Variants in UNC5D observed in about 807,000 individuals in gnomAD.
UNC5D encodes unc-5 netrin receptor D.
UNC5D carries 39 observed loss-of-function variants against 105.4 expected under a neutral mutation model. The ratio of observed to expected loss-of-function variants is 0.37; its 90% CI spans 0.29 to 0.48. UNC5D has a LOEUF of 0.48. UNC5D is among the 20% of genes least tolerant of loss of function. The probability of loss-of-function intolerance (pLI) is 0.98; values close to 1 mark genes in which losing one functional copy is unlikely to be tolerated. For missense variants in UNC5D, 991 were observed against 1,202.4 expected (o/e 0.82, Z 2.60); for synonymous variants, 452 against 450.4 (o/e 1.00, Z -0.04).
intron 1 of UNC5D, among the ~76,000 whole-genome samples, chr8:35,277,016 C>T (rs1805821332): frequency 6.6e-6 from 1 of 152,164 alleles, no homozygotes; most frequent in Admixed American, 6.5e-5. Flanking sequence ...AGAAGTTAAT[C>T]ACTAATGTCT....
At chr8:35,766,424 C>T (rs1801770117) in intron 14 of UNC5D, among the ~76,000 whole-genome samples, 1 of 152,132 alleles carries the variant, frequency 6.6e-6, no homozygotes, top group African/African-American at 2.4e-5. Flanking sequence ...ATTGTATTCT[C>T]ACAATTCTGC....
At chr8:35,471,024 A>C in intron 1 of UNC5D, among the ~76,000 whole-genome samples, 1 of 152,066 alleles carries the variant, frequency 6.6e-6, no homozygotes, top group Non-Finnish European at 1.5e-5. Context: ...TCACACAGCA[A>C]GTTATTAGAG....
rs149949791 is a variant in UNC5D at position 35,324,051 on chromosome 8, G to A, written c.103+88164G>A. On this transcript the variant is annotated intron_variant, in intron 1 of 16. Coordinates refer to ENST00000404895, the MANE Select transcript of UNC5D (RefSeq NM_080872.4). ...TTGAAACCAGCCTGGACAACATAGC[G>A]AGACCCCATCTATACCAAAAAGTTA... is the stretch of plus-strand genomic sequence containing the variant. 3.1e-3 allele frequency among the ~76,000 whole-genome samples: 474 copies of A among 151,876 alleles called. 2 individuals carry two copies. Among genetic ancestry groups the A allele is most frequent in the Non-Finnish European group, 3.8e-3 (256 of 67,932 alleles).
At chr8:35,594,133 C>G (rs1819347944) in intron 3 of UNC5D, among the ~76,000 whole-genome samples, 2 of 152,152 alleles carry the variant, frequency 1.3e-5, no homozygotes, top group South Asian at 4.1e-4. Flanking sequence ...GAGAATGGAT[C>G]TTGTCACCCA....
At chr8:35,731,400 A>C (rs949740126) in intron 11 of UNC5D, among the ~76,000 whole-genome samples, 3 of 86,450 alleles carry the variant, frequency 3.5e-5, no homozygotes, top group African/African-American at 3.3e-4. Context: ...CTCTGTCTCC[A>C]AAAAAAAAAA....
At chr8:35,528,338 T>C (rs2130515706) in intron 1 of UNC5D, among the ~76,000 whole-genome samples, 1 of 151,736 alleles carries the variant, frequency 6.6e-6, no homozygotes, top group Non-Finnish European at 1.5e-5. Flanking sequence ...AGAATGATGA[T>C]TTCCAATTTC....
chr8:35,601,561 G>A (rs1214584326), intron 4 of UNC5D, among the ~76,000 whole-genome samples: 14 of 152,038 alleles, frequency 9.2e-5, no homozygotes, highest in African/African-American at 2.2e-4. Flanking sequence ...CTTTGAAGCA[G>A]TTGTGAATGG....
At chr8:35,315,859 T>C (rs1313829322) in intron 1 of UNC5D, among the ~76,000 whole-genome samples, 1 of 152,152 alleles carries the variant, frequency 6.6e-6, no homozygotes. Context: ...CATTGTGCTC[T>C]GTGGGCTTTT....
In UNC5D at chr8:35,279,243, G is replaced by A. The variant is rs181079759; in HGVS notation, c.103+43356G>A. Among the ~76,000 whole-genome samples the A allele has an allele frequency of 7.2e-5, 11 of 152,264 alleles. No homozygotes were observed. The East Asian group carries it at 2.1e-3, about 29-fold the overall frequency. On this transcript the variant is annotated intron_variant, in intron 1 of 16. Transcript: ENST00000404895. ...CTGATGCTTACAGAGTTGAGTTAAGGCATCCTTCCTTCGGTGTTTCTGAAA... is the reference window on the plus strand; with the variant it reads ...CTGATGCTTACAGAGTTGAGTTAAGACATCCTTCCTTCGGTGTTTCTGAAA...
chr8:35,538,071 A>G (rs1814966607), intron 1 of UNC5D, among the ~76,000 whole-genome samples: 1 of 152,090 alleles, frequency 6.6e-6, no homozygotes, highest in South Asian at 2.1e-4. Flanking sequence ...TTAGTTGTAC[A>G]AAGTATTATG....
At chr8:35,738,841 C>T (rs771529108) in intron 11 of UNC5D, among the ~76,000 whole-genome samples, 6 of 152,284 alleles carry the variant, frequency 3.9e-5, no homozygotes, top group Non-Finnish European at 5.9e-5. Context: ...GATGAAAATG[C>T]GTGAATCGTC....
intron 4 of UNC5D, among the ~76,000 whole-genome samples, chr8:35,597,947 A>G (rs1247349595): frequency 6.6e-6 from 1 of 152,098 alleles, no homozygotes; most frequent in Non-Finnish European, 1.5e-5. Context: ...TTGACTGTGC[A>G]CTTGACTGCG....
chr8:35,765,345 T>C (rs1044042763), intron 14 of UNC5D, among the ~76,000 whole-genome samples: 1 of 152,190 alleles, frequency 6.6e-6, no homozygotes, highest in Non-Finnish European at 1.5e-5. Context: ...ACAGCCCACT[T>C]CTTGCACAGG....
chr8:35,460,236 TA>T (rs1457503081), intron 1 of UNC5D, among the ~76,000 whole-genome samples: 3 of 151,872 alleles, frequency 2.0e-5, no homozygotes, highest in African/African-American at 7.3e-5. Context: ...AGAATGGGGG[TA>T]GGGGGGCAGC....
At chr8:35,575,379 T>C (rs1325935941) in intron 3 of UNC5D, among the ~76,000 whole-genome samples, 1 of 152,164 alleles carries the variant, frequency 6.6e-6, no homozygotes, top group African/African-American at 2.4e-5. Context: ...GCACCATGGA[T>C]CTAACATGGC....
At chr8:35,401,326 A>C (rs1020736352) in intron 1 of UNC5D, among the ~76,000 whole-genome samples, 2 of 152,160 alleles carry the variant, frequency 1.3e-5, no homozygotes, top group Non-Finnish European at 2.9e-5. Flanking sequence ...TCTACTAAAA[A>C]TATAAAAATT....
intron 4 of UNC5D, among the ~76,000 whole-genome samples, chr8:35,655,603 C>T (rs1823676976): frequency 6.6e-6 from 1 of 152,096 alleles, no homozygotes; most frequent in South Asian, 2.1e-4. Context: ...AATAACTTTC[C>T]AATTTAATTC....
chr8:35,374,247 TAG>T (rs1319531469), intron 1 of UNC5D, among the ~76,000 whole-genome samples: 3 of 152,178 alleles, frequency 2.0e-5, no homozygotes, highest in Non-Finnish European at 4.4e-5. Context: ...GTGTTTTAAA[TAG>T]AGTTTGTCTG....
intron 1 of UNC5D, among the ~76,000 whole-genome samples, chr8:35,381,535 G>A (rs950499223): frequency 1.3e-5 from 2 of 152,140 alleles, no homozygotes. Flanking sequence ...TCAGCTGTGG[G>A]CCGTGATTAT....
Sources: gnomAD v4.1 joint callset for allele counts (sites outside exome capture counted in the v4.1 genomes callset) on GRCh38, gnomAD v4.1.1 for gene constraint, MANE v1.5 for transcripts, NCBI Gene and HGNC (gene_info 2026-07-23, HGNC 2026-07-21) for gene names.